The following SYMPK variants were observed in gnomAD, a reference collection of about 807,000 sequenced individuals.
SYMPK encodes symplekin scaffold protein.
Under a neutral mutation model 136.4 loss-of-function variants are expected in SYMPK, and 49 were observed. The observed-to-expected ratio is 0.36, with a 90% confidence interval of 0.29 to 0.46. The LOEUF (loss-of-function observed/expected upper bound fraction) is 0.46, where lower values mean the gene tolerates loss of function less well. SYMPK is among the 20% of genes least tolerant of loss of function. SYMPK has a pLI of 1.00. For missense variants in SYMPK, 1,365 were observed against 1,690.0 expected, an observed-to-expected ratio of 0.81 and a Z score of 3.37; for synonymous variants, 766 against 713.0, an observed-to-expected ratio of 1.07 and a Z score of -1.19.
chr19:45,828,288 G>A (rs536426358), intron 14 of SYMPK: 1 of 245,430 alleles, frequency 4.1e-6, no homozygotes, highest in Non-Finnish European at 8.1e-6. Context: ...GGATGAGAAG[G>A]AGCCACCCAC....
chr19:45,862,486 C>A (rs184434669), intron 1 of SYMPK: 1 of 152,352 alleles, frequency 6.6e-6, no homozygotes, highest in Admixed American at 6.5e-5. Context: ...CTAGTCCCTA[C>A]CTTCATGGAA....
At chr19:45,835,335 G>A in intron 10 of SYMPK, 107 bp from the exon 11 acceptor site, 4 of 1,131,858 alleles carry the variant, frequency 3.5e-6, no homozygotes, top group African/African-American at 1.5e-5. Flanking sequence ...AGACCGACTT[G>A]GGCCTGCTCT....
intron 18 of SYMPK, 58 bp downstream of exon 18, chr19:45,825,113 G>T: frequency 6.4e-7 from 1 of 1,574,372 alleles, no homozygotes; most frequent in South Asian, 1.2e-5. Flanking sequence ...AAGAGCTGGA[G>T]CTGGGGACAC....
chr19:45,830,663 G>A (rs10414915), intron 12 of SYMPK: 2,791 of 154,606 alleles, frequency 0.018, 79 homozygotes, highest in African/African-American at 0.062. Context: ...GCTGAGGCAG[G>A]CGGATCACGA....
At chr19:45,825,420 G>A in intron 17 of SYMPK, 89 bp from the exon 18 acceptor site, 1 of 1,472,712 alleles carries the variant, frequency 6.8e-7, no homozygotes, top group South Asian at 1.3e-5. Flanking sequence ...GGGCAGTGGA[G>A]CCGGGGAGGG....
intron 23 of SYMPK, 64 bp downstream of exon 23, chr19:45,817,895 G>A: frequency 2.7e-6 from 4 of 1,468,470 alleles, no homozygotes; most frequent in Non-Finnish European, 3.6e-6. Context: ...GGGGGAAGGG[G>A]AGGGCAAGCA....
rs1441038654 is a variant in SYMPK at position 45,821,796 on chromosome 19, C to T, written c.2792-311G>A. Among the ~76,000 whole-genome samples, 1 of 152,170 alleles carries T rather than the reference C, an allele frequency of 6.6e-6. No individual in the cohort carries two copies. Among genetic ancestry groups the T allele is most frequent in the Non-Finnish European group, 1.5e-5 (1 of 68,026 alleles). On this transcript the variant is annotated intron_variant, in intron 21 of 26. Coordinates refer to ENST00000245934, the MANE Select transcript of SYMPK (RefSeq NM_004819.3). The surrounding 1 kb of genome is among the most constrained non-coding windows in gnomAD (Gnocchi z 4.4). ...CGAGGGCAGGGTAGGACCACCTCCTCGTGTGGTCCCCAACACAGACTCCAC... is the reference window on the plus strand; with the variant it reads ...CGAGGGCAGGGTAGGACCACCTCCTTGTGTGGTCCCCAACACAGACTCCAC...
At chr19:45,859,647 G>C (rs1455659507) in intron 1 of SYMPK, among the ~76,000 whole-genome samples, 1 of 151,604 alleles carries the variant, frequency 6.6e-6, no homozygotes, top group Non-Finnish European at 1.5e-5. Context: ...AACAAAAATA[G>C]GACGGGTATA....
Position 45,823,881 on chromosome 19 carries a change from G to A in SYMPK, c.2491-6C>T, listed in dbSNP as rs201780388. 2 of 1,612,258 alleles carry A rather than the reference G, an allele frequency of 1.2e-6. No individual in the cohort carries two copies. Among genetic ancestry groups the A allele is most frequent in the African/African-American group, 1.3e-5 (1 of 75,000 alleles). ...TTCATGCCCATTCCTCGGATCTAGA[G>A]GCAGAGACAGGGATGACCAGACCCA... On this transcript the variant is annotated splice_region_variant and splice_polypyrimidine_tract_variant and intron_variant, in intron 18 of 26. Transcript: ENST00000245934.
At position 45,860,351 on chromosome 19, in the gene SYMPK, G is replaced by A. The variant is rs556584398; in HGVS notation, c.-13+2707C>T. 5.7e-3 allele frequency among the ~76,000 whole-genome samples: 874 copies of A among 152,012 alleles called. 5 individuals carry two copies. Among genetic ancestry groups the A allele is most frequent in the Non-Finnish European group, 0.01 (703 of 67,978 alleles). ...CAGGCACATGTAATCCTAGCTACTCGGGAGGCTGAGGCAGGAGAATCGCTT... is the reference window on the plus strand; with the variant it reads ...CAGGCACATGTAATCCTAGCTACTCAGGAGGCTGAGGCAGGAGAATCGCTT... On this transcript the variant is annotated intron_variant, in intron 1 of 26. Transcript: ENST00000245934.
chr19:45,842,788 G>T, intron 8 of SYMPK: 1 of 351,610 alleles, frequency 2.8e-6, no homozygotes. Context: ...GCTTGGGGAG[G>T]GTTATAATCA....
intron 18 of SYMPK, among the ~76,000 whole-genome samples, chr19:45,824,757 T>C (rs1314903016): frequency 6.6e-6 from 1 of 152,118 alleles, no homozygotes; most frequent in Non-Finnish European, 1.5e-5. Flanking sequence ...AGGAAGGACT[T>C]ATGTTTATGT....
intron 9 of SYMPK, among the ~76,000 whole-genome samples, 156 bp from the exon 10 acceptor site, chr19:45,838,771 C>G (rs1407988787): frequency 6.6e-6 from 1 of 152,192 alleles, no homozygotes; most frequent in African/African-American, 2.4e-5. Flanking sequence ...CCTCTGGTGC[C>G]AAACCACTTT....
intron 5 of SYMPK, 38 bp from the exon 6 acceptor site, chr19:45,848,914 G>A (rs759199661): frequency 6.2e-7 from 1 of 1,612,974 alleles, no homozygotes; most frequent in Non-Finnish European, 8.5e-7. Flanking sequence ...GTCAAGGTGT[G>A]GTCTTAGAGC....
intron 22 of SYMPK, 75 bp from the exon 23 acceptor site, chr19:45,818,221 T>C: frequency 5.0e-6 from 7 of 1,411,448 alleles, no homozygotes; most frequent in Non-Finnish European, 6.6e-6. Flanking sequence ...CGGCCTCTGC[T>C]GTCTGCCCAT....
At chr19:45,845,977 C>T (rs565508681) in intron 7 of SYMPK, among the ~76,000 whole-genome samples, 1 of 152,340 alleles carries the variant, frequency 6.6e-6, no homozygotes, top group South Asian at 2.1e-4. Flanking sequence ...TGGCTCACGC[C>T]TGTAATCCCA....
rs769564643 is a variant in SYMPK at position 45,815,960 on chromosome 19, T to A, written c.3578A>T (p.Glu1193Val). 1.2e-6 allele frequency: 2 copies of A among 1,610,806 alleles called. No homozygotes were observed. Among genetic ancestry groups the A allele is most frequent in the African/African-American group, 2.7e-5 (2 of 75,000 alleles). Residue 1193 changes from glutamate (E) to valine (V), a missense_variant, in exon 26 of 27, where the codon GAG becomes GTG. Glu to Val is a moderately radical substitution (Grantham distance 121, BLOSUM62 -2). Around this residue, in one of 11 missense-constraint regions of SYMPK, gnomAD observed 341 missense variants for 270.5 expected, o/e 1.26. Transcript: ENST00000245934. ...CGGGGTCTCGCACTCAGGCCCCTCC[T>A]CCCGGAAATCCATGGCTTCCTCAGA... ...PPSEEAMDFR[E>V]EGPECETPGI...
intron 1 of SYMPK, among the ~76,000 whole-genome samples, chr19:45,858,148 G>A (rs1423030747): frequency 6.6e-6 from 1 of 152,134 alleles, no homozygotes; most frequent in Non-Finnish European, 1.5e-5. Context: ...ATTCACAGTA[G>A]TATCACATGA....
rs771161602 is a variant in SYMPK, at chr19:45,816,532, C to T, written c.3304G>A (p.Gly1102Ser). 22 of 1,613,544 alleles carry T rather than the reference C, an allele frequency of 1.4e-5. No individual in the cohort carries two copies. Among genetic ancestry groups the T allele is most frequent in the Non-Finnish European group, 1.7e-5 (20 of 1,179,978 alleles). Residue 1102 changes from glycine to serine, a missense_variant, in exon 25 of 27, where the codon GGC becomes AGC. Gly to Ser is a moderately conservative substitution (Grantham distance 56, BLOSUM62 0). Around this residue, in one of 11 missense-constraint regions of SYMPK, gnomAD observed 341 missense variants for 270.5 expected, o/e 1.26. Transcript: ENST00000245934. Reference protein sequence around the residue: ...NSIMTILEASGKQEPEAKEAP... With the variant: ...NSIMTILEASSKQEPEAKEAP... ...TCCTTGGCCTCTGGCTCCTGCTTGCCGCTGGCCTCCAAGATGGTCATGATG... is the reference window on the plus strand; with the variant it reads ...TCCTTGGCCTCTGGCTCCTGCTTGCTGCTGGCCTCCAAGATGGTCATGATG...
Sources: gnomAD v4.1 joint callset for allele counts (sites outside exome capture counted in the v4.1 genomes callset) on GRCh38, gnomAD v4.1.1 for gene constraint, gnomAD v4.1.1 regional missense constraint, Gnocchi (gnomAD v3.1) non-coding constraint, MANE v1.5 for transcripts, NCBI Gene and HGNC (gene_info 2026-07-23, HGNC 2026-07-21) for gene names.